SASH1: variants seen among roughly 807,000 people sequenced by gnomAD.
SASH1 encodes the protein SAM and SH3 domain-containing protein 1.
SASH1 carries 44 observed loss-of-function variants against 125.2 expected under a neutral mutation model. That is an observed-to-expected ratio of 0.35 (90% CI 0.28 to 0.45). The LOEUF (loss-of-function observed/expected upper bound fraction) is 0.45. Ranked by LOEUF, SASH1 falls within the 20% of genes least tolerant of loss-of-function variation. The pLI is 1.00. For missense variants in SASH1, 1,426 were observed against 1,614.5 expected (o/e 0.88, Z 2.00); for synonymous variants, 639 against 649.1 (o/e 0.98, Z 0.24).
chr6:148,372,412 C>G (rs532871458), intron 1 of SASH1, among the ~76,000 whole-genome samples: 27 of 152,186 alleles, frequency 1.8e-4, no homozygotes, highest in Admixed American at 9.8e-4. Context: ...AACTGTATTC[C>G]ATTTGTTTCT....
At chr6:148,315,890 C>T (rs1479092788) in intron 1 of SASH1, among the ~76,000 whole-genome samples, 1 of 152,080 alleles carries the variant, frequency 6.6e-6, no homozygotes, top group Non-Finnish European at 1.5e-5. Context: ...AGCCATAGAT[C>T]AAGACCCTGT....
chr6:148,447,507 G>A (rs886975504), intron 4 of SASH1, among the ~76,000 whole-genome samples: 3 of 152,050 alleles, frequency 2.0e-5, no homozygotes, highest in Non-Finnish European at 4.4e-5. Flanking sequence ...TGACTGCAGG[G>A]AAGAAGTCCC....
At chr6:148,526,879 TTTTTTC>T (rs1781200498) in intron 11 of SASH1, among the ~76,000 whole-genome samples, 1 of 81,050 alleles carries the variant, frequency 1.2e-5, no homozygotes. Context: ...TTTTTTTTTT[TTTTTTC>T]CCTCTGAGAG....
intron 1 of SASH1, among the ~76,000 whole-genome samples, chr6:148,275,486 G>A (rs1779159955): frequency 6.6e-6 from 1 of 152,074 alleles, no homozygotes; most frequent in African/African-American, 2.4e-5. Flanking sequence ...CATTCACACA[G>A]TTAATACTCT....
intron 4 of SASH1, among the ~76,000 whole-genome samples, chr6:148,466,225 T>C (rs1040468833): frequency 6.6e-6 from 1 of 152,210 alleles, no homozygotes; most frequent in Non-Finnish European, 1.5e-5. Context: ...CAAAACTAGC[T>C]CTTGTCCTCT....
intron 1 of SASH1, among the ~76,000 whole-genome samples, chr6:148,296,194 C>T (rs546267337): frequency 3.3e-5 from 5 of 152,224 alleles, no homozygotes; most frequent in South Asian, 2.1e-4. Context: ...GGCGCTATCT[C>T]GGCTCACTGC....
At chr6:148,447,547 A>C (rs1776852212) in intron 4 of SASH1, among the ~76,000 whole-genome samples, 1 of 151,880 alleles carries the variant, frequency 6.6e-6, no homozygotes, top group African/African-American at 2.4e-5. Flanking sequence ...CAGTCCCTCC[A>C]ACTCCCTGCT....
intron 16 of SASH1, among the ~76,000 whole-genome samples, chr6:148,538,420 C>T (rs1583324580): frequency 6.6e-6 from 1 of 152,196 alleles, no homozygotes; most frequent in Non-Finnish European, 1.5e-5. Context: ...TTCTAAATAA[C>T]ATGCTAGGCC....
intron 4 of SASH1, among the ~76,000 whole-genome samples, chr6:148,458,692 A>T (rs1012663080): frequency 6.6e-6 from 1 of 152,126 alleles, no homozygotes. Flanking sequence ...GGGCTGAGGC[A>T]TGGGGGCTCA....
chr6:148,290,111 G>A (rs987828497), intron 1 of SASH1, among the ~76,000 whole-genome samples: 2 of 150,430 alleles, frequency 1.3e-5, no homozygotes, highest in Non-Finnish European at 3.0e-5. Context: ...CAGTTGATCC[G>A]CCCACCTCGG....
chr6:148,452,725 G>T (rs1198316975), intron 4 of SASH1, among the ~76,000 whole-genome samples: 1 of 152,112 alleles, frequency 6.6e-6, no homozygotes, highest in African/African-American at 2.4e-5. Context: ...TCTGTAATGT[G>T]CAGTGCTGCC....
At chr6:148,221,512 CAT>C in the SASH1 span, among the ~76,000 whole-genome samples, 653 of 152,288 alleles carry the variant, frequency 4.3e-3, 6 homozygotes, top group African/African-American at 0.015. Flanking sequence ...GTTTGGGGAA[CAT>C]ATGATAATTC....
chr6:148,322,977 C>T lies in SASH1; in HGVS notation n.74+50600C>T, dbSNP rs578033629. Among the ~76,000 whole-genome samples, 568 of 142,344 alleles carry T rather than the reference C, an allele frequency of 4.0e-3. 1 individual carries two copies. The highest frequency in any genetic ancestry group is 5.2e-3 in the Non-Finnish European group (338 of 65,088). The allele number at this position is 142,344 out of a possible 152,430, so 93.4% of individuals were successfully genotyped here. On this transcript the variant is annotated intron_variant and non_coding_transcript_variant, in intron 1 of 3. Transcript: ENST00000367469. ...TCCCTCCCTCCCTCTCTACTTCCCT[C>T]CCTCCCTTTCTCTTTCTCTCTCTCT...
intron 5 of SASH1, among the ~76,000 whole-genome samples, chr6:148,470,583 GGTATTAC>G (rs2115120459): frequency 6.6e-6 from 1 of 152,280 alleles, no homozygotes; most frequent in South Asian, 2.1e-4. Context: ...CTTTTAAAAA[GGTATTAC>G]GTGTTATCAA....
At chr6:148,537,831 T>TGTGTGTGTGTGG (rs1491316465) in intron 16 of SASH1, among the ~76,000 whole-genome samples, 5 of 132,604 alleles carry the variant, frequency 3.8e-5, no homozygotes, top group South Asian at 2.4e-4. Context: ...TGTGTGTGTG[T>TGTGTGTGTGTGG]GGTTGGTGAG....
chr6:148,472,297 G>A (rs947036005), intron 6 of SASH1, among the ~76,000 whole-genome samples: 1 of 152,162 alleles, frequency 6.6e-6, no homozygotes, highest in Non-Finnish European at 1.5e-5. Context: ...TGAGAAAAAC[G>A]GATGTGAACA....
intron 1 of SASH1, among the ~76,000 whole-genome samples, chr6:148,370,426 T>C (rs192614554): frequency 3.3e-5 from 5 of 152,332 alleles, no homozygotes; most frequent in East Asian, 1.9e-4. Context: ...GGTTGAAATA[T>C]CTCAATTTCA....
intron 1 of SASH1, among the ~76,000 whole-genome samples, chr6:148,367,652 T>C: frequency 6.6e-6 from 1 of 152,250 alleles, no homozygotes; most frequent in Non-Finnish European, 1.5e-5. Flanking sequence ...TATCTGTATC[T>C]GGCCTATGCT....
intron 10 of SASH1, chr6:148,520,159 C>T (rs1012460200): frequency 1.8e-5 from 8 of 438,026 alleles, no homozygotes; most frequent in South Asian, 8.7e-5. Context: ...GGGCGCACCT[C>T]GGTCAGCGAG....
Sources: allele counts gnomAD v4.1 joint callset (sites outside exome capture counted in the v4.1 genomes callset), GRCh38; gene constraint gnomAD v4.1.1; transcripts MANE v1.5; gene names NCBI Gene and HGNC (gene_info 2026-07-23, HGNC 2026-07-21).